Variants in OPHN1 observed in about 807,000 individuals in gnomAD.
OPHN1 encodes oligophrenin-1.
Under a neutral mutation model 60.7 loss-of-function variants are expected in OPHN1, and 11 were observed. The observed-to-expected ratio is 0.18, with a 90% confidence interval of 0.11 to 0.30. The LOEUF is 0.30. Ranked by LOEUF, OPHN1 falls within the 10% of genes least tolerant of loss-of-function variation. The pLI, the probability that OPHN1 is intolerant of heterozygous loss-of-function variation, is 1.00. For missense variants in OPHN1, 449 were observed against 611.0 expected, an observed-to-expected ratio of 0.73 and a Z score of 2.80; for synonymous variants, 226 against 222.6, an observed-to-expected ratio of 1.02 and a Z score of -0.14.
intron 15 of OPHN1, among the ~76,000 whole-genome samples, chrX:68,184,886 A>T (rs1752108303): frequency 1.8e-5 from 2 of 112,318 alleles, no homozygotes; most frequent in Admixed American, 1.9e-4. Flanking sequence ...TTGAGCCACT[A>T]TCCCCATGAA....
At chrX:68,062,500 T>C (rs2076896803) in intron 21 of OPHN1, among the ~76,000 whole-genome samples, 1 of 112,145 alleles carries the variant, frequency 8.9e-6, no homozygotes, top group Middle Eastern at 4.2e-3. Context: ...ACAGGCTATA[T>C]AAAAAGAGGC....
At chrX:68,243,126 A>G (rs2077789398) in intron 5 of OPHN1, among the ~76,000 whole-genome samples, 1 of 111,143 alleles carries the variant, frequency 9.0e-6, no homozygotes, top group Non-Finnish European at 1.9e-5. Flanking sequence ...CGGCCTCCCA[A>G]AGTGCTAGGA....
chrX:68,168,566 T>A (rs1333602475), intron 15 of OPHN1, among the ~76,000 whole-genome samples: 1 of 110,098 alleles, frequency 9.1e-6, no homozygotes, highest in East Asian at 2.8e-4. Context: ...GATCTAAAAT[T>A]GACACCTTAA....
At chrX:68,115,140 T>C (rs1602166305) in intron 16 of OPHN1, among the ~76,000 whole-genome samples, 2 of 112,498 alleles carry the variant, frequency 1.8e-5, no homozygotes, top group Non-Finnish European at 3.8e-5. Context: ...TGAAATGGAA[T>C]TGAATCAATG....
chrX:68,190,517 A>G (rs2077483559), intron 15 of OPHN1, among the ~76,000 whole-genome samples: 1 of 111,887 alleles, frequency 8.9e-6, no homozygotes, highest in Non-Finnish European at 1.9e-5. Context: ...AGATATTCCT[A>G]TGAGAGTTAA....
chrX:68,131,928 A>G (rs1005856886), intron 15 of OPHN1, among the ~76,000 whole-genome samples: 1 of 112,675 alleles, frequency 8.9e-6, no homozygotes, highest in Non-Finnish European at 1.9e-5. Context: ...TTTTAAGTCC[A>G]TTCCGCATGG....
intron 15 of OPHN1, among the ~76,000 whole-genome samples, chrX:68,164,930 A>C (rs190755360): frequency 8.9e-6 from 1 of 112,456 alleles, no homozygotes; most frequent in Admixed American, 9.4e-5. Context: ...TTGCCCTTTT[A>C]TGTTATAGAG....
intron 15 of OPHN1, among the ~76,000 whole-genome samples, chrX:68,132,601 A>ATGACACGTTAGTGGG (rs1332702948): frequency 1.1e-5 from 1 of 93,861 alleles, no homozygotes; most frequent in Non-Finnish European, 2.1e-5. Context: ...CTAATGCTAG[A>ATGACACGTTAGTGGG]TGACACGTTA....
chrX:68,067,757 G>C (rs1056175354), intron 20 of OPHN1, among the ~76,000 whole-genome samples: 1 of 110,923 alleles, frequency 9.0e-6, no homozygotes, highest in African/African-American at 3.3e-5. Context: ...TCCATGACGA[G>C]GGTGAAAGGA....
intron 6 of OPHN1, among the ~76,000 whole-genome samples, chrX:68,226,702 T>G (rs1460854780): frequency 9.0e-6 from 1 of 111,276 alleles, no homozygotes; most frequent in African/African-American, 3.3e-5. Context: ...TCACTACCAG[T>G]CCTGCCTTAC....
chrX:68,182,079 T>C (rs914197225), intron 15 of OPHN1, among the ~76,000 whole-genome samples: 2 of 110,054 alleles, frequency 1.8e-5, no homozygotes, highest in Non-Finnish European at 3.8e-5. Context: ...TGGGTACATA[T>C]GGACATAGAA....
At chrX:68,156,400 C>T (rs1245106638) in intron 15 of OPHN1, among the ~76,000 whole-genome samples, 1 of 107,953 alleles carries the variant, frequency 9.3e-6, no homozygotes, top group African/African-American at 3.4e-5. Context: ...ATAAGACATG[C>T]ATACACACAC....
chrX:68,205,650 A>G (rs2077555000), intron 10 of OPHN1, among the ~76,000 whole-genome samples: 1 of 111,002 alleles, frequency 9.0e-6, no homozygotes, highest in Non-Finnish European at 1.9e-5. Flanking sequence ...CTCTAATTCA[A>G]CATGAGCAAG....
chrX:68,073,348 T>G lies in OPHN1; in HGVS notation c.1687-49A>C, dbSNP rs746833290. 4.5e-6 allele frequency: 5 copies of G among 1,117,442 alleles called. No individual in the cohort carries two copies. The South Asian group carries it at 1.0e-4, about 23-fold the overall frequency. The allele number at this position is 1,117,442 out of a possible 1,213,427, so 92.1% of individuals were successfully genotyped here. ...CTAGAGAATAATTAGATCAAGTTTT[T>G]GTCTTCTGAATGCTACCCACCAGTT... On this transcript the variant is annotated intron_variant, in intron 19 of 24. Coordinates refer to ENST00000355520, the MANE Select transcript of OPHN1 (RefSeq NM_002547.3).
chrX:68,380,248 T>C (rs886135097), intron 2 of OPHN1, among the ~76,000 whole-genome samples: 1 of 111,752 alleles, frequency 8.9e-6, no homozygotes, highest in African/African-American at 3.3e-5. Flanking sequence ...TGATGGTAGT[T>C]TGTATGTCTG....
At chrX:68,074,099 T>A (rs776273917) in intron 19 of OPHN1, among the ~76,000 whole-genome samples, 71 of 111,832 alleles carry the variant, frequency 6.3e-4, no homozygotes, top group Non-Finnish European at 8.8e-4. Flanking sequence ...CACTATGGGA[T>A]GATACACATA....
intron 15 of OPHN1, among the ~76,000 whole-genome samples, chrX:68,168,796 A>C (rs1234281959): frequency 9.0e-6 from 1 of 111,490 alleles, no homozygotes; most frequent in African/African-American, 3.3e-5. Flanking sequence ...AATCAAATAG[A>C]TGCAATAAAA....
At chrX:68,298,400 C>A (rs1366875760) in intron 3 of OPHN1, among the ~76,000 whole-genome samples, 2 of 112,000 alleles carry the variant, frequency 1.8e-5, no homozygotes, top group South Asian at 7.4e-4. Flanking sequence ...ACCTTCATAA[C>A]AAATAATACA....
At chrX:68,262,192 A>C (rs2077896911) in intron 5 of OPHN1, among the ~76,000 whole-genome samples, 1 of 112,072 alleles carries the variant, frequency 8.9e-6, no homozygotes, top group Non-Finnish European at 1.9e-5. Context: ...ATAATTTTTA[A>C]ACTAAAATAA....
Sources: gnomAD v4.1 joint callset for allele counts (sites outside exome capture counted in the v4.1 genomes callset) on GRCh38, gnomAD v4.1.1 for gene constraint, MANE v1.5 for transcripts, NCBI Gene and HGNC (gene_info 2026-07-23, HGNC 2026-07-21) for gene names.